Variants in RAD51D observed in about 807,000 individuals in gnomAD.
The protein encoded by RAD51D is DNA repair protein RAD51 homolog 4.
Under a neutral mutation model 44.1 loss-of-function variants are expected in RAD51D, and 38 were observed. That is an observed-to-expected ratio of 0.86 (90% CI 0.67 to 1.13). RAD51D has a LOEUF of 1.13. RAD51D is among the 50% of genes most tolerant of loss of function. The pLI is 0.00. For synonymous variants in RAD51D, 141 were observed against 166.6 expected, an observed-to-expected ratio of 0.85 and a Z score of 1.18; for missense variants, 390 against 414.0, an observed-to-expected ratio of 0.94 and a Z score of 0.50.
rs2142431079 is a variant in RAD51D at position 35,106,895 on chromosome 17, G to A, written c.480+93C>T. 3 of 1,579,428 alleles carry A rather than the reference G, an allele frequency of 1.9e-6. No homozygotes were observed. In the Admixed American group the frequency reaches 5.0e-5, roughly 26 times the overall value. On this transcript the variant is annotated intron_variant, in intron 5 of 9. Coordinates refer to ENST00000345365, the MANE Select transcript of RAD51D (RefSeq NM_002878.4). Reference sequence around the variant, plus strand: ...ATAGAACAGCAAGTTTGAAGGCAAGGAATGACTATTCAACCCAAATTCTTA... The same window carrying A: ...ATAGAACAGCAAGTTTGAAGGCAAGAAATGACTATTCAACCCAAATTCTTA...
rs2142429867 is a variant in RAD51D at position 35,106,494 on chromosome 17, A to G, written c.481-13T>C. 6.2e-7 allele frequency: 1 copy of G among 1,602,608 alleles called. No homozygotes were observed. Among genetic ancestry groups the G allele is most frequent in the East Asian group, 2.2e-5 (1 of 44,826 alleles). ...GGAGAGCTTCTGCCTGAAGCGGTGG[A>G]AAAGAAAAGCAAGGACTTTGGATAA... is the stretch of plus-strand genomic sequence containing the variant. On this transcript the variant is annotated splice_polypyrimidine_tract_variant and intron_variant, in intron 5 of 9. Coordinates refer to ENST00000345365, the MANE Select transcript of RAD51D (RefSeq NM_002878.4).
chr17:35,118,234 G>T (rs921732527), intron 3 of RAD51D, among the ~76,000 whole-genome samples: 29 of 152,124 alleles, frequency 1.9e-4, no homozygotes, highest in African/African-American at 7.0e-4. Context: ...AGAGGCCAGA[G>T]ATGCTGCTAA....
Position 35,097,343 on chromosome 17 carries a change from C to T in RAD51D, c.*3610G>A, listed in dbSNP as rs1011811873. ...CTATATAGGCCAGGCTGGTCTTGAACTCCTGACCTTGTGATCCGCCCACTT... is the reference window on the plus strand; with the variant it reads ...CTATATAGGCCAGGCTGGTCTTGAATTCCTGACCTTGTGATCCGCCCACTT... On this transcript the variant is annotated 3_prime_UTR_variant, in exon 10 of 10. Transcript: ENST00000345365. 1 of 152,062 alleles carries T rather than the reference C, an allele frequency of 6.6e-6. No homozygotes were observed. The highest frequency in any genetic ancestry group is 1.5e-5 in the Non-Finnish European group (1 of 68,040). The allele number at this position is 152,062 out of a possible 1,614,324, so 9.4% of individuals were successfully genotyped here.
chr17:35,103,555 G>A lies in RAD51D; in HGVS notation c.577-11C>T, dbSNP rs2142421322. 1 of 1,608,582 alleles carries A rather than the reference G, an allele frequency of 6.2e-7. No homozygotes were observed. The highest frequency in any genetic ancestry group is 1.3e-5 in the African/African-American group (1 of 74,974). ...TGAAGAACCAGTCACCTGAAGGAAT[G>A]TGGGGGAAGCACTCATGAACCTGTC... is the stretch of plus-strand genomic sequence containing the variant. On this transcript the variant is annotated splice_polypyrimidine_tract_variant and intron_variant, in intron 6 of 9. Transcript: ENST00000345365. This position sits in a 1 kb window ranked among gnomAD's most constrained non-coding sequence, Gnocchi z 4.1.
chr17:35,117,447 G>A (rs972780673), intron 3 of RAD51D, among the ~76,000 whole-genome samples: 12 of 152,152 alleles, frequency 7.9e-5, no homozygotes, highest in East Asian at 1.9e-4. Flanking sequence ...AACGTCTGTC[G>A]TCTTTGCAAC....
rs370837197 is a variant in RAD51D at position 35,107,321 on chromosome 17, C to T, written c.345+45G>A. On this transcript the variant is annotated intron_variant, in intron 4 of 9. Transcript: ENST00000345365. ...CCAGGGACCCTGGGCTATGCATCTA[C>T]CACCCTCACCCCTAAATCCTCCTGA... The T allele has an allele frequency of 5.3e-6, 8 of 1,512,820 alleles. No homozygotes were observed. The African/African-American group carries it at 6.9e-5, about 13-fold the overall frequency. 93.7% of individuals were successfully genotyped at this position (1,512,820 alleles called of 1,614,324 possible). A position where few individuals can be genotyped will look rare whatever the true frequency, so the allele number is the denominator to read the frequency against.
intron 3 of RAD51D, among the ~76,000 whole-genome samples, chr17:35,115,935 GGAAGAAAGAAAAGGAAGAAAGGAAA>G (rs2091733827): frequency 1.8e-5 from 2 of 108,510 alleles, no homozygotes; most frequent in Admixed American, 1.1e-4. Context: ...AAGGAAGGAA[GGAAGAAAGAAAAGGAAGAAAGGAAA>G]GAAAGAAAGA....
chr17:35,109,280 C>T (rs554191077), intron 3 of RAD51D, among the ~76,000 whole-genome samples: 161 of 152,260 alleles, frequency 1.1e-3, no homozygotes, highest in African/African-American at 3.8e-3. Context: ...TATGGATGTA[C>T]CACAGTTTAT....
At chr17:35,113,061 T>C (rs2091696294) in intron 3 of RAD51D, among the ~76,000 whole-genome samples, 1 of 152,188 alleles carries the variant, frequency 6.6e-6, no homozygotes, top group Non-Finnish European at 1.5e-5. Flanking sequence ...CTCAACCACA[T>C]GAAACAGGTC....
chr17:35,100,269 G>A lies in RAD51D; in HGVS notation c.*684C>T. 1.9e-6 allele frequency: 1 copy of A among 533,810 alleles called. No individual in the cohort carries two copies. The highest frequency in any genetic ancestry group is 3.9e-5 in the East Asian group (1 of 25,666). The allele number at this position is 533,810 out of a possible 1,614,324, so 33.1% of individuals were successfully genotyped here. On this transcript the variant is annotated 3_prime_UTR_variant, in exon 10 of 10. Coordinates refer to ENST00000345365, the MANE Select transcript of RAD51D (RefSeq NM_002878.4). The stretch of plus-strand genomic sequence containing the variant: ...GTTCTCACCTAGTCATGGTGATGCA[G>A]GCAGGTCTGAAACCAAATCAGCAAG...
In RAD51D at chr17:35,119,736, G is replaced by T; in HGVS notation, c.-123C>A. On this transcript the variant is annotated 5_prime_UTR_variant, in exon 1 of 10. Transcript: ENST00000345365. ...GAGGACACAGGCGCGCTGGCTGCCG[G>T]AGGAGAAAGGAGAGAGGAGGAGGCG... The T allele has an allele frequency of 1.1e-6, 1 of 942,962 alleles. No individual in the cohort carries two copies. Among genetic ancestry groups the T allele is most frequent in the Non-Finnish European group, 1.7e-6 (1 of 598,720 alleles). The allele number at this position is 942,962 out of a possible 1,614,324, so 58.4% of individuals were successfully genotyped here.
chr17:35,119,348 T>A, intron 1 of RAD51D, 176 bp from the exon 2 acceptor site: 1 of 896,560 alleles, frequency 1.1e-6, no homozygotes, highest in South Asian at 1.4e-5. Context: ...ACAGTAGGAA[T>A]CTCTACCCTG....
At position 35,105,294 on chromosome 17, in the gene RAD51D, CA is replaced by C. The variant is rs533210762; in HGVS notation, c.576+1091del. 7.2e-4 allele frequency among the ~76,000 whole-genome samples: 109 copies of C among 152,140 alleles called. 6 individuals are homozygous for C. In the South Asian group the frequency reaches 0.022, roughly 31 times the overall value. On this transcript the variant is annotated intron_variant, in intron 6 of 9. Transcript: ENST00000345365. Reference sequence around the variant, plus strand: ...ATGACTTCTGAGGTAAGTATTTGTTCAACATTTTTTTTTAAAGACGGGGTCT... The same window carrying C: ...ATGACTTCTGAGGTAAGTATTTGTTCACATTTTTTTTTAAAGACGGGGTCT...
intron 3 of RAD51D, among the ~76,000 whole-genome samples, chr17:35,108,656 T>C (rs554277191): frequency 6.6e-6 from 1 of 152,208 alleles, no homozygotes; most frequent in African/African-American, 2.4e-5. Flanking sequence ...TTATCACATA[T>C]GTAGATTTAC....
chr17:35,093,548 A>G lies in RAD51D; in HGVS notation c.*7405T>C, dbSNP rs1037134840. ...ATGAGGACCTGGCAGAGAGAACTCC[A>G]TCATTCATGGCAAATGTCATGGCCA... On this transcript the variant is annotated 3_prime_UTR_variant, in exon 10 of 10. Coordinates refer to ENST00000345365, the MANE Select transcript of RAD51D (RefSeq NM_002878.4). 4 of 152,256 alleles carry G rather than the reference A, an allele frequency of 2.6e-5. No individual in the cohort carries two copies. The highest frequency in any genetic ancestry group is 9.6e-5 in the African/African-American group (4 of 41,464). 9.4% of individuals were successfully genotyped at this position (152,256 alleles called of 1,614,324 possible).
At chr17:35,111,298 G>A (rs528590859) in intron 3 of RAD51D, among the ~76,000 whole-genome samples, 1 of 150,492 alleles carries the variant, frequency 6.6e-6, no homozygotes, top group South Asian at 2.1e-4. Flanking sequence ...AGGTTGCGGT[G>A]AGCCGAGATC....
rs773652076 is a variant in RAD51D at position 35,094,552 on chromosome 17, G to A, written c.*6401C>T. The A allele has an allele frequency of 7.2e-5, 11 of 152,168 alleles. No individual in the cohort carries two copies. Among genetic ancestry groups the A allele is most frequent in the East Asian group, 1.9e-4 (1 of 5,200 alleles). The allele number at this position is 152,168 out of a possible 1,614,324, so 9.4% of individuals were successfully genotyped here. On this transcript the variant is annotated 3_prime_UTR_variant, in exon 10 of 10. Transcript: ENST00000345365. ...AGCTGAGAAGTAGATCTCTGATCCC[G>A]CTTTTTATGGTGAGCTAAGCTGAAA... is the stretch of plus-strand genomic sequence containing the variant.
intron 3 of RAD51D, among the ~76,000 whole-genome samples, chr17:35,108,113 C>T (rs2142440071): frequency 6.6e-6 from 1 of 151,388 alleles, no homozygotes; most frequent in East Asian, 2.0e-4. Context: ...TTGATGGTGG[C>T]ACACGCCTGT....
intron 3 of RAD51D, among the ~76,000 whole-genome samples, chr17:35,118,219 T>C (rs2142472167): frequency 6.6e-6 from 1 of 152,230 alleles, no homozygotes; most frequent in South Asian, 2.1e-4. Flanking sequence ...TGGCATCTAG[T>C]GGGCAGAGGC....
Sources: allele counts gnomAD v4.1 joint callset (sites outside exome capture counted in the v4.1 genomes callset), GRCh38; gene constraint gnomAD v4.1.1; non-coding constraint Gnocchi (gnomAD v3.1); transcripts MANE v1.5; gene names NCBI Gene and HGNC (gene_info 2026-07-23, HGNC 2026-07-21).